TENM2: variants seen among roughly 807,000 people sequenced by gnomAD.
TENM2 encodes teneurin-2.
Under a neutral mutation model 245.2 loss-of-function variants are expected in TENM2, and 52 were observed. The ratio of observed to expected loss-of-function variants is 0.21; its 90% CI spans 0.17 to 0.27. TENM2 has a LOEUF of 0.27. Among genes scored for constraint, TENM2 ranks in the 10% least tolerant of loss-of-function variants. The probability of loss-of-function intolerance (pLI) is 1.00; values close to 1 mark genes in which losing one functional copy is unlikely to be tolerated. For missense variants in TENM2, 3,046 were observed against 3,666.8 expected (o/e 0.83, Z 4.37); for synonymous variants, 1,363 against 1,438.9 (o/e 0.95, Z 1.19).
At chr5:167,091,217 C>A in the TENM2 span, among the ~76,000 whole-genome samples, 1 of 151,798 alleles carries the variant, frequency 6.6e-6, no homozygotes, top group South Asian at 2.1e-4. Context: ...TTCCTGGGGG[C>A]TGGGGGAACT....
the TENM2 span, among the ~76,000 whole-genome samples, chr5:167,273,222 A>G: frequency 6.6e-6 from 1 of 152,316 alleles, no homozygotes; most frequent in East Asian, 1.9e-4. Context: ...TGAAGAAAGC[A>G]GTGTGAACGC....
intron 2 of TENM2, among the ~76,000 whole-genome samples, chr5:167,875,498 A>G (rs1218957755): frequency 3.9e-5 from 6 of 152,210 alleles, no homozygotes; most frequent in African/African-American, 7.2e-5. Context: ...TTCCTTCTGC[A>G]AGCATTGGGA....
At position 167,714,774 on chromosome 5, in the gene TENM2, C is replaced by G. The variant is rs538985223; in HGVS notation, c.503-161212C>G. Among the ~76,000 whole-genome samples the G allele has an allele frequency of 3.3e-5, 5 of 152,288 alleles. No homozygotes were observed. In the East Asian group the frequency reaches 7.7e-4, roughly 24 times the overall value. ...TTTTCCCTGTCTTTTGCTTATCACTCCAACCCAGACCCTGTGCCAAAACTC... is the reference window on the plus strand; with the variant it reads ...TTTTCCCTGTCTTTTGCTTATCACTGCAACCCAGACCCTGTGCCAAAACTC... On this transcript the variant is annotated intron_variant, in intron 2 of 28. Transcript: ENST00000518659.
intron 1 of TENM2, among the ~76,000 whole-genome samples, chr5:167,339,080 A>G (rs1757946244): frequency 1.3e-5 from 2 of 152,204 alleles, no homozygotes; most frequent in African/African-American, 4.8e-5. Context: ...CATAAAAAAT[A>G]CATTCATTGT....
At chr5:167,535,664 A>C (rs1220303080) in intron 2 of TENM2, among the ~76,000 whole-genome samples, 3 of 152,188 alleles carry the variant, frequency 2.0e-5, no homozygotes, top group African/African-American at 7.2e-5. Context: ...GTAAAGACAC[A>C]ATGTTCATCT....
chr5:167,227,551 T>A, the TENM2 span, among the ~76,000 whole-genome samples: 1 of 152,132 alleles, frequency 6.6e-6, no homozygotes, highest in East Asian at 1.9e-4. Flanking sequence ...CTGGGTAAAT[T>A]TTTTTTCTCT....
chr5:167,065,809 A>G, the TENM2 span, among the ~76,000 whole-genome samples: 112 of 152,350 alleles, frequency 7.4e-4, no homozygotes, highest in African/African-American at 2.6e-3. Flanking sequence ...AAAATTTATC[A>G]TAGACAACAG....
Position 168,097,906 on chromosome 5 carries a change from C to T in TENM2, c.1712-120C>T, listed in dbSNP as rs557565678. ...ACTCATTCATATTGCTGACCGATCC[C>T]CTATGACAGGCATCTGAGATTACTA... is the stretch of plus-strand genomic sequence containing the variant. On this transcript the variant is annotated intron_variant, in intron 8 of 28. Coordinates refer to ENST00000518659, the Ensembl canonical transcript of TENM2. The T allele has an allele frequency of 2.9e-5, 20 of 695,600 alleles. No individual in the cohort carries two copies. In the African/African-American group the frequency reaches 3.3e-4, roughly 12 times the overall value. 43.1% of individuals were successfully genotyped at this position (695,600 alleles called of 1,614,324 possible). A position where few individuals can be genotyped will look rare whatever the true frequency, so the allele number is the denominator to read the frequency against.
chr5:167,010,476 C>A, the TENM2 span, among the ~76,000 whole-genome samples: 6 of 152,140 alleles, frequency 3.9e-5, no homozygotes, highest in African/African-American at 9.7e-5. Flanking sequence ...TAATAAACAG[C>A]CTCTTGGGTA....
intron 2 of TENM2, among the ~76,000 whole-genome samples, chr5:167,810,456 A>C (rs1561806991): frequency 6.6e-6 from 1 of 151,872 alleles, no homozygotes; most frequent in Non-Finnish European, 1.5e-5. Context: ...TTTCGCCACC[A>C]TTACATGTCC....
chr5:167,407,860 C>A (rs1055227732), intron 2 of TENM2, among the ~76,000 whole-genome samples: 1 of 152,128 alleles, frequency 6.6e-6, no homozygotes, highest in East Asian at 1.9e-4. Context: ...AGAAATTGGC[C>A]TACAGGCCAT....
At chr5:167,283,246 A>G (rs568723799), upstream of TENM2, among the ~76,000 whole-genome samples, 24 of 151,800 alleles carry the variant, frequency 1.6e-4, no homozygotes, top group Admixed American at 3.9e-4. Context: ...ACGGGGTTTC[A>G]CTATGTTGGC....
At chr5:167,669,863 T>G (rs1403420963) in intron 2 of TENM2, among the ~76,000 whole-genome samples, 1 of 68,056 alleles carries the variant, frequency 1.5e-5, no homozygotes, top group Non-Finnish European at 2.3e-5. Context: ...ACTTTTGAGG[T>G]TTTTTTTTTT....
At chr5:167,981,979 CAA>C (rs58295569) in intron 4 of TENM2, among the ~76,000 whole-genome samples, 18,760 of 100,608 alleles carry the variant, frequency 0.19, 1,494 homozygotes, top group Admixed American at 0.32. Context: ...TGTTTCAGAC[CAA>C]AAAAAAAAAA....
chr5:167,912,898 C>G (rs774648631), intron 3 of TENM2, among the ~76,000 whole-genome samples: 1 of 152,074 alleles, frequency 6.6e-6, no homozygotes, highest in African/African-American at 2.4e-5. Context: ...CTTGTGCCAG[C>G]CACTGGTACA....
chr5:167,302,585 CAG>C (rs1755405481), intron 1 of TENM2, among the ~76,000 whole-genome samples: 1 of 148,790 alleles, frequency 6.7e-6, no homozygotes, highest in Non-Finnish European at 1.5e-5. Flanking sequence ...GGATGGGGCA[CAG>C]AGATAAGAGG....
intron 1 of TENM2, chr5:167,296,156 T>G (rs1198303004): frequency 6.6e-6 from 1 of 152,216 alleles, no homozygotes; most frequent in East Asian, 1.9e-4. Context: ...ACTAAATCTG[T>G]GATTCTCCTT....
intron 7 of TENM2, among the ~76,000 whole-genome samples, chr5:168,073,921 G>A (rs1002377945): frequency 2.6e-5 from 4 of 152,158 alleles, no homozygotes; most frequent in Admixed American, 1.3e-4. Context: ...AGGGGCTGCA[G>A]CCAGGGACAG....
At chr5:167,925,074 A>G (rs1436850049) in intron 3 of TENM2, among the ~76,000 whole-genome samples, 2 of 152,208 alleles carry the variant, frequency 1.3e-5, no homozygotes, top group Non-Finnish European at 2.9e-5. Context: ...TTATGCGTGA[A>G]TGTTCATGGC....
Sources: gnomAD v4.1 joint callset for allele counts (sites outside exome capture counted in the v4.1 genomes callset) on GRCh38, gnomAD v4.1.1 for gene constraint, MANE v1.5 for transcripts, NCBI Gene and HGNC (gene_info 2026-07-23, HGNC 2026-07-21) for gene names.